The following ZBTB20 variants were observed in gnomAD, a reference collection of about 807,000 sequenced individuals.
ZBTB20 encodes zinc finger and BTB domain-containing protein 20.
A neutral mutation model predicts 56.9 loss-of-function variants in ZBTB20; 9 were observed. The observed-to-expected ratio is 0.16, with a 90% CI of 0.10 to 0.28. ZBTB20 has a LOEUF of 0.28. Among genes scored for constraint, ZBTB20 ranks in the 10% least tolerant of loss-of-function variants. The probability of loss-of-function intolerance (pLI) is 1.00; values close to 1 mark genes in which losing one functional copy is unlikely to be tolerated. For synonymous variants in ZBTB20, 417 were observed against 420.7 expected, an observed-to-expected ratio of 0.99 and a Z score of 0.11; for missense variants, 655 against 1,003.0, an observed-to-expected ratio of 0.65 and a Z score of 4.69.
At chr3:114,532,296 G>T (rs932780941) in intron 6 of ZBTB20, among the ~76,000 whole-genome samples, 1 of 152,188 alleles carries the variant, frequency 6.6e-6, no homozygotes, top group African/African-American at 2.4e-5. Flanking sequence ...CTCAAGCTTG[G>T]TGGGGGGAGG....
chr3:114,642,197 T>A (rs1193810069), intron 6 of ZBTB20, among the ~76,000 whole-genome samples: 1 of 152,008 alleles, frequency 6.6e-6, no homozygotes, highest in Non-Finnish European at 1.5e-5. Flanking sequence ...ATTCCCAACA[T>A]CCTTAATATC....
intron 3 of ZBTB20, among the ~76,000 whole-genome samples, chr3:114,973,372 T>C (rs1401715057): frequency 6.6e-6 from 1 of 152,232 alleles, no homozygotes; most frequent in African/African-American, 2.4e-5. Flanking sequence ...GACATTACCC[T>C]GTTGACATAC....
At chr3:114,958,678 T>C (rs1167621832) in intron 3 of ZBTB20, among the ~76,000 whole-genome samples, 1 of 151,944 alleles carries the variant, frequency 6.6e-6, no homozygotes, top group East Asian at 1.9e-4. Context: ...TGAAACCCCA[T>C]TTCTACTAAA....
intron 2 of ZBTB20, among the ~76,000 whole-genome samples, chr3:115,041,023 T>C (rs2081120259): frequency 6.6e-6 from 1 of 152,156 alleles, no homozygotes; most frequent in South Asian, 2.1e-4. Flanking sequence ...TAGACTACTG[T>C]AAGGGGAACA....
chr3:114,844,511 T>C (rs187485521), intron 4 of ZBTB20, among the ~76,000 whole-genome samples: 718 of 48,172 alleles, frequency 0.015, 11 homozygotes, highest in Middle Eastern at 0.04. Flanking sequence ...ACAGAGCAAG[T>C]CCCTGTCTCA....
At chr3:114,448,736 C>T (rs1454001372) in intron 7 of ZBTB20, among the ~76,000 whole-genome samples, 1 of 151,984 alleles carries the variant, frequency 6.6e-6, no homozygotes. Context: ...AAAAATACTT[C>T]ATAAATTAAG....
At chr3:114,639,913 TA>T (rs1480040032) in intron 6 of ZBTB20, among the ~76,000 whole-genome samples, 18 of 152,156 alleles carry the variant, frequency 1.2e-4, no homozygotes, top group African/African-American at 3.6e-4. Context: ...AAAGAATATT[TA>T]TTTTTTTGCC....
intron 6 of ZBTB20, among the ~76,000 whole-genome samples, chr3:114,523,174 T>C (rs756288189): frequency 4.6e-5 from 7 of 152,112 alleles, no homozygotes; most frequent in Non-Finnish European, 1.0e-4. Context: ...AGTGTTTTAA[T>C]GGAGAATGAA....
intron 2 of ZBTB20, among the ~76,000 whole-genome samples, chr3:115,056,746 A>C (rs1160183325): frequency 6.6e-6 from 1 of 152,114 alleles, no homozygotes. Flanking sequence ...TTAATAGTCA[A>C]ATCTTACCAT....
intron 1 of ZBTB20, among the ~76,000 whole-genome samples, chr3:115,107,642 G>T (rs1409306241): frequency 6.6e-6 from 1 of 151,946 alleles, no homozygotes; most frequent in Non-Finnish European, 1.5e-5. Flanking sequence ...CCCATTACTG[G>T]GTATATACCC....
chr3:114,356,183 T>TGAG (rs2081233255), intron 10 of ZBTB20: 1 of 151,792 alleles, frequency 6.6e-6, no homozygotes, highest in South Asian at 2.1e-4. Context: ...AAAGCAGGGG[T>TGAG]GAGTACCGAA....
intron 6 of ZBTB20, among the ~76,000 whole-genome samples, chr3:114,549,975 T>C (rs953583512): frequency 6.6e-6 from 1 of 152,156 alleles, no homozygotes; most frequent in Non-Finnish European, 1.5e-5. Context: ...CCTTGCTCTG[T>C]GGCCCAGGTT....
At chr3:114,943,467 A>T (rs1276906378) in intron 3 of ZBTB20, among the ~76,000 whole-genome samples, 1 of 145,806 alleles carries the variant, frequency 6.9e-6, no homozygotes, top group Non-Finnish European at 1.5e-5. Flanking sequence ...ATAGTCTTTT[A>T]AAAACAGTGA....
In ZBTB20 at chr3:114,380,384, T is replaced by C. The variant is rs2084171578; in HGVS notation, c.32A>G (p.Glu11Gly). 6.5e-7 allele frequency: 1 copy of C among 1,535,214 alleles called. No individual in the cohort carries two copies. Among genetic ancestry groups the C allele is most frequent in the Non-Finnish European group, 8.7e-7 (1 of 1,145,926 alleles). Residue 11 changes from glutamate to glycine, a missense_variant, in exon 10 of 12, where the codon GAA becomes GGA. By Grantham distance (98) the Glu-to-Gly change is moderately conservative. Coordinates refer to ENST00000675478, the MANE Select transcript of ZBTB20 (RefSeq NM_001348800.3). ...ATTCTCCTCAGATGCCTTCTGGTTT[T>C]CAGCTGTCTTGGGTTTCTTCCTGAA... MLERKKPKTA[E>G]NQKASEENEI... is the part of the protein sequence containing the mutation.
chr3:114,573,931 C>T (rs2053721498), intron 6 of ZBTB20, among the ~76,000 whole-genome samples: 1 of 152,036 alleles, frequency 6.6e-6, no homozygotes, highest in Non-Finnish European at 1.5e-5. Flanking sequence ...CAAGTAATTC[C>T]ACCATACAGA....
intron 1 of ZBTB20, among the ~76,000 whole-genome samples, chr3:115,146,271 T>C (rs969751911): frequency 2.0e-5 from 3 of 151,970 alleles, no homozygotes; most frequent in African/African-American, 7.3e-5. Context: ...TTAGTTTGTG[T>C]GTGTGCCTAG....
intron 2 of ZBTB20, among the ~76,000 whole-genome samples, chr3:114,990,535 GTT>G (rs1481424211): frequency 6.6e-6 from 1 of 152,050 alleles, no homozygotes; most frequent in East Asian, 1.9e-4. Context: ...TTGCATCGAT[GTT>G]TTCATCAGGG....
intron 7 of ZBTB20, among the ~76,000 whole-genome samples, chr3:114,458,666 A>G (rs1233997977): frequency 1.3e-5 from 2 of 152,092 alleles, no homozygotes; most frequent in Admixed American, 6.6e-5. Flanking sequence ...GGTAGAGCAT[A>G]CTGAACGTAC....
At chr3:115,133,295 ATTCTT>A (rs1277242121) in intron 1 of ZBTB20, among the ~76,000 whole-genome samples, 1 of 152,158 alleles carries the variant, frequency 6.6e-6, no homozygotes, top group African/African-American at 2.4e-5. Flanking sequence ...CTTATTTAAC[ATTCTT>A]TTCATCTTCC....
Sources: gnomAD v4.1 joint callset for allele counts (sites outside exome capture counted in the v4.1 genomes callset) on GRCh38, gnomAD v4.1.1 for gene constraint, MANE v1.5 for transcripts, NCBI Gene and HGNC (gene_info 2026-07-23, HGNC 2026-07-21) for gene names.